The following TUFT1 variants were observed in gnomAD, a reference collection of about 807,000 sequenced individuals.
The protein encoded by TUFT1 is tuftelin 1, also known as tuftelin.
In TUFT1, 43 loss-of-function variants were observed where a neutral mutation model predicts 57.8. That is an observed-to-expected ratio of 0.74 (90% CI 0.58 to 0.96). The LOEUF is 0.96. TUFT1 is among the 40% of genes least tolerant of loss of function. The probability of loss-of-function intolerance (pLI) is 0.00; values close to 1 mark genes in which losing one functional copy is unlikely to be tolerated. For missense variants in TUFT1, 459 were observed against 489.0 expected (o/e 0.94, Z 0.58); for synonymous variants, 166 against 176.7 (o/e 0.94, Z 0.48).
At chr1:151,557,986 A>G in intron 1 of TUFT1, 2 of 490,982 alleles carry the variant, frequency 4.1e-6, no homozygotes, top group South Asian at 3.4e-5. Context: ...CAGCAAAAAA[A>G]CTTAAAAAAA....
At chr1:151,561,400 G>A (rs950955214) in intron 1 of TUFT1, among the ~76,000 whole-genome samples, 2 of 151,500 alleles carry the variant, frequency 1.3e-5, no homozygotes, top group African/African-American at 4.8e-5. Flanking sequence ...TGTAGTCCCA[G>A]CTACTTGGGA....
chr1:151,551,545 C>T (rs1000365190), intron 1 of TUFT1, among the ~76,000 whole-genome samples: 5 of 151,908 alleles, frequency 3.3e-5, no homozygotes, highest in African/African-American at 1.2e-4. Flanking sequence ...AGAGGAGATA[C>T]CTTGAAGGCT....
chr1:151,577,645 T>C lies in TUFT1; in HGVS notation c.819-1076T>C, dbSNP rs1436128762. Among the ~76,000 whole-genome samples the C allele has an allele frequency of 5.9e-5, 9 of 151,982 alleles. 1 individual carries two copies. The highest frequency in any genetic ancestry group is 2.2e-4 in the African/African-American group (9 of 41,368). On this transcript the variant is annotated intron_variant, in intron 9 of 12. Transcript: ENST00000368849. The stretch of plus-strand genomic sequence containing the variant: ...GGAATCAGGAGACCTAGAAACAAAA[T>C]TGTGTGAAGAGGCTTTAAGGAGCCT...
chr1:151,552,826 A>C (rs1267243815), intron 1 of TUFT1, among the ~76,000 whole-genome samples: 1 of 150,922 alleles, frequency 6.6e-6, no homozygotes, highest in African/African-American at 2.4e-5. Context: ...CATTATTTTT[A>C]AATTTTCAAT....
At chr1:151,569,829 C>T in intron 7 of TUFT1, 59 bp downstream of exon 7, 2 of 1,330,464 alleles carry the variant, frequency 1.5e-6, no homozygotes, top group Non-Finnish European at 2.2e-6. Context: ...AACACAGGTG[C>T]CAGTGATGTC....
At chr1:151,548,202 G>A (rs1021116596) in intron 1 of TUFT1, among the ~76,000 whole-genome samples, 5 of 152,288 alleles carry the variant, frequency 3.3e-5, no homozygotes, top group Admixed American at 6.5e-5. Flanking sequence ...TATCCCATCC[G>A]GCTCTGTTCT....
intron 1 of TUFT1, chr1:151,557,775 G>C: frequency 1.3e-6 from 1 of 766,262 alleles, no homozygotes; most frequent in Non-Finnish European, 2.4e-6. Flanking sequence ...TCTGAAGGGT[G>C]AGCGACCTGC....
At position 151,583,254 on chromosome 1, in the gene TUFT1, C is replaced by T. The variant is rs1410508240; in HGVS notation, c.*1547C>T. Reference sequence around the variant, plus strand: ...CGGCCCATGGTGTTTTTCTTTAGGGCTCTTCCTACAACCTTGAGAAGTAGA... The same window carrying T: ...CGGCCCATGGTGTTTTTCTTTAGGGTTCTTCCTACAACCTTGAGAAGTAGA... On this transcript the variant is annotated 3_prime_UTR_variant, in exon 13 of 13. Coordinates refer to ENST00000368849, the MANE Select transcript of TUFT1 (RefSeq NM_020127.3). 2 of 152,122 alleles carry T rather than the reference C, an allele frequency of 1.3e-5. No homozygotes were observed. Among genetic ancestry groups the T allele is most frequent in the African/African-American group, 4.8e-5 (2 of 41,406 alleles). The allele number at this position is 152,122 out of a possible 1,614,324, so 9.4% of individuals were successfully genotyped here.
At chr1:151,544,236 C>G (rs182599346) in intron 1 of TUFT1, among the ~76,000 whole-genome samples, 2 of 152,126 alleles carry the variant, frequency 1.3e-5, no homozygotes, top group Admixed American at 1.3e-4. Flanking sequence ...CTGCCTCGGC[C>G]TCTCAAAGTG....
chr1:151,544,335 C>G (rs1403044927), intron 1 of TUFT1, among the ~76,000 whole-genome samples: 1 of 151,810 alleles, frequency 6.6e-6, no homozygotes, highest in Non-Finnish European at 1.5e-5. Flanking sequence ...CTCACTCTGT[C>G]ACCCAGGCTG....
In TUFT1 at chr1:151,582,329, T is replaced by C. The variant is rs1174590332; in HGVS notation, c.*622T>C. 37 of 411,352 alleles carry C rather than the reference T, an allele frequency of 9.0e-5. 1 individual carries two copies. The highest frequency in any genetic ancestry group is 1.4e-4 in the Non-Finnish European group (28 of 205,934). 25.5% of individuals were successfully genotyped at this position (411,352 alleles called of 1,614,324 possible). On this transcript the variant is annotated 3_prime_UTR_variant, in exon 13 of 13. Transcript: ENST00000368849. ...CTTTCTGGGGAGGAGGGAATGTACA[T>C]TCAGGGAGTAGCCTTTTGCGGAAAA...
intron 1 of TUFT1, among the ~76,000 whole-genome samples, chr1:151,555,194 T>C (rs1004473919): frequency 6.6e-6 from 1 of 150,988 alleles, no homozygotes; most frequent in African/African-American, 2.4e-5. Flanking sequence ...CCAGCTATGG[T>C]GGTGCACACC....
chr1:151,551,675 G>A (rs1281984005), intron 1 of TUFT1, among the ~76,000 whole-genome samples: 3 of 152,160 alleles, frequency 2.0e-5, no homozygotes, highest in African/African-American at 7.2e-5. Flanking sequence ...AGCAGAAACA[G>A]ACTTGGCTTT....
chr1:151,557,441 C>G (rs992266058), intron 1 of TUFT1: 1 of 1,260,850 alleles, frequency 7.9e-7, no homozygotes, highest in Non-Finnish European at 1.1e-6. Flanking sequence ...CCTACAGCCA[C>G]CGAGATGTTG....
intron 3 of TUFT1, among the ~76,000 whole-genome samples, chr1:151,563,443 TCAC>T (rs1197571806): frequency 1.3e-5 from 2 of 152,168 alleles, no homozygotes; most frequent in African/African-American, 4.8e-5. Flanking sequence ...TGTGTGACGA[TCAC>T]CTACAGTATT....
At chr1:151,559,739 T>TGAG (rs1665822069) in intron 1 of TUFT1, among the ~76,000 whole-genome samples, 1 of 152,200 alleles carries the variant, frequency 6.6e-6, no homozygotes, top group African/African-American at 2.4e-5. Flanking sequence ...GGGAGGATGC[T>TGAG]GATGTTTCAG....
At chr1:151,575,860 C>G (rs1226518460) in intron 9 of TUFT1, among the ~76,000 whole-genome samples, 3 of 152,204 alleles carry the variant, frequency 2.0e-5, no homozygotes, top group Non-Finnish European at 4.4e-5. Flanking sequence ...GGCATTTTCT[C>G]TCCTTTAGGA....
rs1666659129 is a variant in TUFT1, at chr1:151,581,957, TCTATATTC to T, written c.*254_*261del. On this transcript the variant is annotated 3_prime_UTR_variant, in exon 13 of 13. Coordinates refer to ENST00000368849, the MANE Select transcript of TUFT1 (RefSeq NM_020127.3). ...CCTGCAAGCAGGAGCCAGGGCAATATCTATATTCCTACAGTGACTATTTTTCTCTGTAG... is the reference window on the plus strand; with the variant it reads ...CCTGCAAGCAGGAGCCAGGGCAATATCTACAGTGACTATTTTTCTCTGTAG... 1.6e-6 allele frequency: 1 copy of T among 608,648 alleles called. No homozygotes were observed. The highest frequency in any genetic ancestry group is 3.0e-6 in the Non-Finnish European group (1 of 336,652). The allele number at this position is 608,648 out of a possible 1,614,324, so 37.7% of individuals were successfully genotyped here. A position where few individuals can be genotyped will look rare whatever the true frequency, so the allele number is the denominator to read the frequency against.
chr1:151,550,537 G>C (rs973733345), intron 1 of TUFT1, among the ~76,000 whole-genome samples: 3 of 151,798 alleles, frequency 2.0e-5, no homozygotes, highest in East Asian at 3.9e-4. Context: ...TGGAGACGGG[G>C]TTTCACCATG....
Sources: gnomAD v4.1 joint callset for allele counts (sites outside exome capture counted in the v4.1 genomes callset) on GRCh38, gnomAD v4.1.1 for gene constraint, MANE v1.5 for transcripts, NCBI Gene and HGNC (gene_info 2026-07-23, HGNC 2026-07-21) for gene names.